The following GJC3 variants were observed in gnomAD, a reference collection of about 807,000 sequenced individuals.
GJC3 encodes the protein gap junction protein gamma 3, also known as gap junction gamma-3 protein.
Under a neutral mutation model 19.8 loss-of-function variants are expected in GJC3, and 17 were observed. The ratio of observed to expected loss-of-function variants is 0.86; its 90% CI spans 0.59 to 1.29. The LOEUF (loss-of-function observed/expected upper bound fraction) is 1.29. GJC3 is among the 50% of genes most tolerant of loss of function. The pLI, the probability that GJC3 is intolerant of heterozygous loss-of-function variation, is 0.00. For synonymous variants in GJC3, 140 were observed against 136.5 expected, an observed-to-expected ratio of 1.03 and a Z score of -0.18; for missense variants, 317 against 332.5, an observed-to-expected ratio of 0.95 and a Z score of 0.36.
chr7:99,929,382 T>C lies in GJC3; in HGVS notation c.239A>G (p.Gln80Arg). Reference sequence around the variant, plus strand: ...GCTGGGTACAGCCACCAAGATGACCTGGAAGACCCAGAAACGCAGCGGGGA... The same window carrying C: ...GCTGGGTACAGCCACCAAGATGACCCGGAAGACCCAGAAACGCAGCGGGGA... ...PLSPLRFWVF[Q>R]VILVAVPSAL... Residue 80 changes from glutamine to arginine, a missense_variant, in exon 1 of 2, where the codon CAG (glutamine) becomes CGG (arginine). Gln to Arg is a conservative substitution (Grantham distance 43). Transcript: ENST00000312891. 6.2e-7 allele frequency: 1 copy of C among 1,613,924 alleles called. No homozygotes were observed. The highest frequency in any genetic ancestry group is 1.1e-5 in the South Asian group (1 of 91,046).
chr7:99,923,626 A>C, intron 1 of GJC3, 23 bp from the exon 2 acceptor site: 1 of 780,568 alleles, frequency 1.3e-6, no homozygotes, highest in Non-Finnish European at 2.4e-6. Flanking sequence ...AAAATTCAAG[A>C]TGTAACAGTT....
At chr7:99,929,902 G>T (rs936589135), upstream of GJC3, among the ~76,000 whole-genome samples, 3 of 152,164 alleles carry the variant, frequency 2.0e-5, no homozygotes, top group African/African-American at 7.2e-5. Context: ...AGGTTGGAGA[G>T]ACCAGGATAC....
chr7:99,929,185 C>T lies in GJC3; in HGVS notation c.436G>A (p.Val146Ile). Residue 146 changes from valine (V) to isoleucine (I), a missense_variant, in exon 1 of 2, where the codon GTC (valine) becomes ATC (isoleucine). Transcript: ENST00000312891. The stretch of plus-strand genomic sequence containing the variant: ...AACCCCAGGGCTGCCCCCTCCAGGA[C>T]AAGCCGAGCCCCCAGCTGAGCCACA... ...AYVAQLGARL[V>I]LEGAALGLQY... 1 of 1,613,980 alleles carries T rather than the reference C, an allele frequency of 6.2e-7. No individual in the cohort carries two copies. Among genetic ancestry groups the T allele is most frequent in the Non-Finnish European group, 8.5e-7 (1 of 1,179,918 alleles).
Position 99,928,793 on chromosome 7 carries a change from A to T in GJC3, c.781+47T>A, listed in dbSNP as rs1216952768. The T allele has an allele frequency of 2.5e-6, 4 of 1,578,724 alleles. No homozygotes were observed. In the South Asian group the frequency reaches 3.3e-5, roughly 13 times the overall value. ...GAGGGACCTGCCCCGGGAGGAGATC[A>T]TCAGGACACAAACATCAGTGACAGG... On this transcript the variant is annotated intron_variant, in intron 1 of 1. Coordinates refer to ENST00000312891, the MANE Select transcript of GJC3 (RefSeq NM_181538.3).
Position 99,929,029 on chromosome 7 carries a change from C to G in GJC3, c.592G>C (p.Val198Leu). The G allele has an allele frequency of 6.2e-7, 1 of 1,614,206 alleles. No individual in the cohort carries two copies. The highest frequency in any genetic ancestry group is 8.5e-7 in the Non-Finnish European group (1 of 1,180,042). The change falls in exon 1 of 2, where the codon GTC becomes CTC. Residue 198 changes from valine (V) to leucine (L), a missense_variant. By Grantham distance (32) the Val-to-Leu change is conservative (BLOSUM62 1). Transcript: ENST00000312891. Reference protein sequence around the residue: ...KTIFLKTMFGVSGFCLLFTFL... With the variant: ...KTIFLKTMFGLSGFCLLFTFL... ...GTAAACAAGAGACAGAAACCGCTGA[C>G]TCCAAACATGGTCTTTAGGAAAATG...
rs1181387470 is a variant in GJC3 at position 99,929,224 on chromosome 7, G to C, written c.397C>G (p.Leu133Val). The change falls in exon 1 of 2, where the codon CTG (leucine) becomes GTG (valine). Residue 133 changes from leucine to valine, a missense_variant. Leu to Val is a conservative substitution (Grantham distance 32, BLOSUM62 1). Transcript: ENST00000312891. Reference sequence around the variant, plus strand: ...AGCTGAGCCACATAAGCCCAGAGCAGCCTGAGGCTTCCAGCCCCTGGGACA... The same window carrying C: ...AGCTGAGCCACATAAGCCCAGAGCACCCTGAGGCTTCCAGCCCCTGGGACA... Reference protein sequence around the residue: ...TDVPGAGSLRLLWAYVAQLGA... With the variant: ...TDVPGAGSLRVLWAYVAQLGA... 1 of 1,614,110 alleles carries C rather than the reference G, an allele frequency of 6.2e-7. No homozygotes were observed. The highest frequency in any genetic ancestry group is 2.2e-5 in the East Asian group (1 of 44,898).
chr7:99,923,349 C>T lies in GJC3; in HGVS notation c.*196G>A. On this transcript the variant is annotated 3_prime_UTR_variant, in exon 2 of 2. Transcript: ENST00000312891. Reference sequence around the variant, plus strand: ...TTCCCCAAAGCAATGCCTCCCTGAGCAATGGTGCAAACATGGCTTTTATTA... The same window carrying T: ...TTCCCCAAAGCAATGCCTCCCTGAGTAATGGTGCAAACATGGCTTTTATTA... 1 of 627,178 alleles carries T rather than the reference C, an allele frequency of 1.6e-6. No individual in the cohort carries two copies. The allele number at this position is 627,178 out of a possible 1,614,324, so 38.9% of individuals were successfully genotyped here. A position where few individuals can be genotyped will look rare whatever the true frequency, so the allele number is the denominator to read the frequency against.
Position 99,923,529 on chromosome 7 carries a change from A to C in GJC3, c.*16T>G, listed in dbSNP as rs773554263. 1.3e-6 allele frequency: 1 copy of C among 780,452 alleles called. No homozygotes were observed. Among genetic ancestry groups the C allele is most frequent in the Non-Finnish European group, 2.4e-6 (1 of 418,136 alleles). The allele number at this position is 780,452 out of a possible 1,614,324, so 48.3% of individuals were successfully genotyped here. A position where few individuals can be genotyped will look rare whatever the true frequency, so the allele number is the denominator to read the frequency against. ...AGTATGGTGATGAGGAAAGTTGGCC[A>C]AAGTTCATCTCCAACTCAGGCATCT... On this transcript the variant is annotated 3_prime_UTR_variant, in exon 2 of 2. Coordinates refer to ENST00000312891, the MANE Select transcript of GJC3 (RefSeq NM_181538.3).
intron 1 of GJC3, among the ~76,000 whole-genome samples, chr7:99,924,470 C>G (rs1819751730): frequency 6.6e-6 from 1 of 152,174 alleles, no homozygotes; most frequent in Non-Finnish European, 1.5e-5. Context: ...CGCCTGTAAT[C>G]CCAGCTATTC....
At chr7:99,929,654 T>G, upstream of GJC3, 1 of 1,572,478 alleles carries the variant, frequency 6.4e-7, no homozygotes, top group Non-Finnish European at 8.6e-7. Flanking sequence ...AGATCAGTGT[T>G]GTTCACTGTC....
rs1584279788 is a variant in GJC3, at chr7:99,923,389, G to C, written c.*156C>G. On this transcript the variant is annotated 3_prime_UTR_variant, in exon 2 of 2. Transcript: ENST00000312891. ...GGCTTTTATTAGTCTGGTTAGCTGA[G>C]TCATTGTATGTAGAGGTGGAGTCAA... 8.3e-6 allele frequency: 6 copies of C among 724,844 alleles called. 1 individual carries two copies. The highest frequency in any genetic ancestry group is 1.5e-5 in the Non-Finnish European group (6 of 393,200). The allele number at this position is 724,844 out of a possible 1,614,324, so 44.9% of individuals were successfully genotyped here. A position where few individuals can be genotyped will look rare whatever the true frequency, so the allele number is the denominator to read the frequency against.
chr7:99,924,322 C>T (rs1221244085), intron 1 of GJC3, among the ~76,000 whole-genome samples: 6 of 152,206 alleles, frequency 3.9e-5, no homozygotes, highest in African/African-American at 1.2e-4. Context: ...GGCACGGTGG[C>T]TCACGCCTGT....
chr7:99,927,562 G>GA (rs143155780), intron 1 of GJC3, among the ~76,000 whole-genome samples: 29 of 145,074 alleles, frequency 2.0e-4, no homozygotes, highest in Middle Eastern at 3.5e-3. Context: ...TTCAGAAAGA[G>GA]AAAAAAAAAT....
chr7:99,929,169 G>T lies in GJC3; in HGVS notation c.452C>A (p.Ala151Asp). The T allele has an allele frequency of 1.9e-6, 3 of 1,613,860 alleles. No homozygotes were observed. The highest frequency in any genetic ancestry group is 2.5e-6 in the Non-Finnish European group (3 of 1,179,908). ...ATACAGGTGGTACTGCAACCCCAGGGCTGCCCCCTCCAGGACAAGCCGAGC... is the reference window on the plus strand; with the variant it reads ...ATACAGGTGGTACTGCAACCCCAGGTCTGCCCCCTCCAGGACAAGCCGAGC... ...LGARLVLEGA[A>D]LGLQYHLYGF... The change falls in exon 1 of 2, where the codon GCC becomes GAC. Residue 151 changes from alanine (A) to aspartate (D), a missense_variant. Ala to Asp is a moderately radical substitution (Grantham distance 126). Coordinates refer to ENST00000312891, the MANE Select transcript of GJC3 (RefSeq NM_181538.3).
Position 99,929,141 on chromosome 7 carries a change from C to G in GJC3, c.480G>C (p.Gly160=), listed in dbSNP as rs1819855415. The part of the protein sequence containing the change: ...AALGLQYHLY[G]FQMPSSFACR... Reference sequence around the variant, plus strand: ...ATGCAAAGGAGCTGGGCATCTGGAACCCATACAGGTGGTACTGCAACCCCA... The same window carrying G: ...ATGCAAAGGAGCTGGGCATCTGGAAGCCATACAGGTGGTACTGCAACCCCA... Residue 160 remains glycine (G), a synonymous_variant, in exon 1 of 2, where the codon GGG becomes GGC. Transcript: ENST00000312891. 2 of 1,613,894 alleles carry G rather than the reference C, an allele frequency of 1.2e-6. No homozygotes were observed. Among genetic ancestry groups the G allele is most frequent in the Non-Finnish European group, 1.7e-6 (2 of 1,180,014 alleles).
rs1819864281 is a variant in GJC3 at position 99,929,496 on chromosome 7, C to G, written c.125G>C (p.Gly42Ala). Residue 42 changes from glycine to alanine, a missense_variant, in exon 1 of 2, where the codon GGA becomes GCA. Coordinates refer to ENST00000312891, the MANE Select transcript of GJC3 (RefSeq NM_181538.3). ...RLVLLAASGPGVYGDEQSEFV... is the reference protein window; with the variant it reads ...RLVLLAASGPAVYGDEQSEFV... ...TTCACTCTGCTCATCACCATAGACT[C>G]CAGGCCCACTGGCAGCCAGCAGCAC... The G allele has an allele frequency of 6.2e-7, 1 of 1,614,176 alleles. No homozygotes were observed. The highest frequency in any genetic ancestry group is 1.3e-5 in the African/African-American group (1 of 75,056).
chr7:99,926,142 T>C (rs529650005), intron 1 of GJC3, among the ~76,000 whole-genome samples: 1 of 152,298 alleles, frequency 6.6e-6, no homozygotes, highest in South Asian at 2.1e-4. Context: ...GAGACCAGCC[T>C]GGCCAACATG....
intron 1 of GJC3, among the ~76,000 whole-genome samples, chr7:99,926,799 A>C (rs545486660): frequency 5.3e-5 from 8 of 152,196 alleles, no homozygotes; most frequent in Non-Finnish European, 1.2e-4. Flanking sequence ...TACTTTTGTC[A>C]CTGGTAGAGG....
At position 99,923,343 on chromosome 7, in the gene GJC3, C is replaced by T. The variant is rs779792700; in HGVS notation, c.*202G>A. 1.7e-4 allele frequency: 107 copies of T among 617,956 alleles called. No individual in the cohort carries two copies. Among genetic ancestry groups the T allele is most frequent in the Middle Eastern group, 8.6e-4 (2 of 2,314 alleles). The allele number at this position is 617,956 out of a possible 1,614,324, so 38.3% of individuals were successfully genotyped here. ...GAATAATTCCCCAAAGCAATGCCTC[C>T]CTGAGCAATGGTGCAAACATGGCTT... On this transcript the variant is annotated 3_prime_UTR_variant, in exon 2 of 2. Transcript: ENST00000312891.
Sources: gnomAD v4.1 joint callset for allele counts (sites outside exome capture counted in the v4.1 genomes callset) on GRCh38, gnomAD v4.1.1 for gene constraint, MANE v1.5 for transcripts, NCBI Gene and HGNC (gene_info 2026-07-23, HGNC 2026-07-21) for gene names.